Variants in SEMA4D observed in about 807,000 individuals in gnomAD.
The protein encoded by SEMA4D is semaphorin 4D.
In SEMA4D, 22 loss-of-function variants were observed where a neutral mutation model predicts 74.8. The ratio of observed to expected loss-of-function variants is 0.29; its 90% CI spans 0.21 to 0.42. SEMA4D has a LOEUF of 0.42. Among genes scored for constraint, SEMA4D ranks in the 10% least tolerant of loss-of-function variants. The pLI is 1.00. For synonymous variants in SEMA4D, 445 were observed against 463.7 expected, an observed-to-expected ratio of 0.96 and a Z score of 0.52; for missense variants, 937 against 1,118.4, an observed-to-expected ratio of 0.84 and a Z score of 2.31.
chr9:89,465,001 G>A lies in SEMA4D; in HGVS notation c.-309-9048C>T, dbSNP rs372578032. 1.5e-4 allele frequency among the ~76,000 whole-genome samples: 23 copies of A among 152,238 alleles called. 2 individuals are homozygous for A. The highest frequency in any genetic ancestry group is 9.6e-4 in the East Asian group (5 of 5,188). ...TCCTCTCTATAGCTATAAACATCTC[G>A]CATGCTTTACAAAGCACTGAGCACA... On this transcript the variant is annotated intron_variant, in intron 1 of 15. Transcript: ENST00000422704.
At chr9:89,414,194 G>A (rs562752656) in intron 2 of SEMA4D, among the ~76,000 whole-genome samples, 1 of 152,322 alleles carries the variant, frequency 6.6e-6, no homozygotes, top group Non-Finnish European at 1.5e-5. Context: ...AAATGCCCTG[G>A]CTGGCATCCC....
At chr9:89,460,380 G>A (rs1486865772) in intron 1 of SEMA4D, among the ~76,000 whole-genome samples, 4 of 152,234 alleles carry the variant, frequency 2.6e-5, no homozygotes, top group Non-Finnish European at 4.4e-5. Context: ...TGGTCAGCAT[G>A]TGGCCAGGCC....
chr9:89,406,188 A>G (rs1425968566), intron 2 of SEMA4D, among the ~76,000 whole-genome samples: 8 of 152,206 alleles, frequency 5.3e-5, no homozygotes, highest in African/African-American at 1.9e-4. Flanking sequence ...ACATGCACAC[A>G]CACAACATAT....
At chr9:89,497,513 G>C (rs1039132207) in intron 1 of SEMA4D, 15 of 151,838 alleles carry the variant, frequency 9.9e-5, no homozygotes, top group African/African-American at 3.6e-4. Context: ...GGGCGGGCCG[G>C]GGCGCGACGG....
At chr9:89,440,061 C>G (rs746045436) in intron 2 of SEMA4D, among the ~76,000 whole-genome samples, 2 of 152,206 alleles carry the variant, frequency 1.3e-5, no homozygotes, top group Non-Finnish European at 2.9e-5. Flanking sequence ...TTAGTCCCAC[C>G]AAGGGCAGTC....
intron 13 of SEMA4D, chr9:89,384,743 G>A: frequency 1.0e-6 from 1 of 985,438 alleles, no homozygotes; most frequent in Non-Finnish European, 1.2e-6. Flanking sequence ...CTGTAGGACA[G>A]GGGGAGGGCG....
chr9:89,405,837 AAG>A (rs1843205148), intron 2 of SEMA4D, 138 bp from the exon 3 acceptor site: 1 of 1,289,620 alleles, frequency 7.8e-7, no homozygotes, highest in Non-Finnish European at 9.8e-7. Flanking sequence ...GCGGGGGACA[AAG>A]AGAGTCTTAG....
intron 8 of SEMA4D, 130 bp downstream of exon 8, chr9:89,392,293 A>AT: frequency 3.3e-6 from 2 of 608,538 alleles, no homozygotes; most frequent in Non-Finnish European, 5.8e-6. Context: ...TTTGGGAAGT[A>AT]TCCCCCACAA....
intron 1 of SEMA4D, among the ~76,000 whole-genome samples, chr9:89,497,067 T>C (rs1254567922): frequency 6.6e-6 from 1 of 152,136 alleles, no homozygotes; most frequent in Non-Finnish European, 1.5e-5. Context: ...CAGGCCTCAT[T>C]TGACGCAAAC....
chr9:89,487,103 C>A (rs1344300714), intron 1 of SEMA4D, among the ~76,000 whole-genome samples: 3 of 150,914 alleles, frequency 2.0e-5, no homozygotes, highest in African/African-American at 7.3e-5. Flanking sequence ...CCACAAATAT[C>A]CTTAATAAAA....
intron 2 of SEMA4D, chr9:89,450,564 G>T: frequency 9.9e-7 from 1 of 1,006,710 alleles, no homozygotes. Flanking sequence ...GATAACCAGT[G>T]GTCCCTTCCA....
intron 12 of SEMA4D, among the ~76,000 whole-genome samples, chr9:89,387,015 G>A (rs1277407224): frequency 6.6e-6 from 1 of 152,248 alleles, no homozygotes; most frequent in Admixed American, 6.5e-5. Context: ...GCAGGGACGT[G>A]GTCCTCTGCC....
chr9:89,386,628 A>G (rs759492914), intron 12 of SEMA4D, 146 bp from the exon 13 acceptor site: 2 of 592,216 alleles, frequency 3.4e-6, no homozygotes, highest in Non-Finnish European at 6.0e-6. Flanking sequence ...CGCATTAGAA[A>G]CAAAAAAAGG....
At position 89,492,788 on chromosome 9, in the gene SEMA4D, C is replaced by G. The variant is rs547528761; in HGVS notation, c.-310+5131G>C. Among the ~76,000 whole-genome samples the G allele has an allele frequency of 6.6e-6, 1 of 152,132 alleles. No homozygotes were observed. Among genetic ancestry groups the G allele is most frequent in the Non-Finnish European group, 1.5e-5 (1 of 68,020 alleles). On this transcript the variant is annotated intron_variant, in intron 1 of 15. Coordinates refer to ENST00000422704, the MANE Select transcript of SEMA4D (RefSeq NM_001371194.2). The surrounding 1 kb of genome is among the most constrained non-coding windows in gnomAD (Gnocchi z 4.3). ...CTGCCTCCCACCCGAGGAGACTGCCCGAGCTCCTGCAAGGCCCGCCCCGCA... is the reference window on the plus strand; with the variant it reads ...CTGCCTCCCACCCGAGGAGACTGCCGGAGCTCCTGCAAGGCCCGCCCCGCA...
At chr9:89,397,007 C>G (rs1371297742) in intron 5 of SEMA4D, among the ~76,000 whole-genome samples, 172 bp from the exon 6 acceptor site, 7 of 152,248 alleles carry the variant, frequency 4.6e-5, no homozygotes, top group Non-Finnish European at 1.0e-4. Context: ...GTCTTGTCAT[C>G]TAGACCCTCT....
Position 89,461,700 on chromosome 9 carries a change from C to CTCTCTCTTTTTTTT in SEMA4D, c.-309-5748_-309-5747insAAAAAAAAGAGAGA, listed in dbSNP as rs71281350. Among the ~76,000 whole-genome samples, 215 of 103,622 alleles carry CTCTCTCTTTTTTTT rather than the reference C, an allele frequency of 2.1e-3. 1 individual carries two copies. Among genetic ancestry groups the CTCTCTCTTTTTTTT allele is most frequent in the East Asian group, 0.01 (28 of 2,722 alleles). The allele number at this position is 103,622 out of a possible 152,430, so 68.0% of individuals were successfully genotyped here. A position where few individuals can be genotyped will look rare whatever the true frequency, so the allele number is the denominator to read the frequency against. On this transcript the variant is annotated intron_variant, in intron 1 of 15. Transcript: ENST00000422704. ...GGGCCAATGTGTATTTCTTTTTTCT[C>CTCTCTCTTTTTTTT]TTTTTTTTTTTTTTTTTTTGGAGAC...
At chr9:89,464,453 G>A (rs1288539870) in intron 1 of SEMA4D, among the ~76,000 whole-genome samples, 1 of 152,036 alleles carries the variant, frequency 6.6e-6, no homozygotes, top group African/African-American at 2.4e-5. Flanking sequence ...GGCTGCCTCT[G>A]GCCACCTCCC....
At chr9:89,370,806 ATGTGTGTGGGTGTGGTG>A (rs1423836163) in intron 16 of SEMA4D, among the ~76,000 whole-genome samples, 8 of 92,354 alleles carry the variant, frequency 8.7e-5, no homozygotes, top group Non-Finnish European at 1.3e-4. Flanking sequence ...GGGGTGTGGC[ATGTGTGTGGGTGTGGTG>A]TGTGTCTGGG....
intron 16 of SEMA4D, chr9:89,367,043 T>C (rs4876958): frequency 0.34 from 51,977 of 152,424 alleles, 9,190 homozygotes; most frequent in Admixed American, 0.44. Context: ...TGCTTACCAC[T>C]GCTAACAGGC....
Sources: gnomAD v4.1 joint callset for allele counts (sites outside exome capture counted in the v4.1 genomes callset) on GRCh38, gnomAD v4.1.1 for gene constraint, Gnocchi (gnomAD v3.1) non-coding constraint, MANE v1.5 for transcripts, NCBI Gene and HGNC (gene_info 2026-07-23, HGNC 2026-07-21) for gene names.